Variants in SRRM4 observed in about 807,000 individuals in gnomAD.
The protein encoded by SRRM4 is serine/arginine repetitive matrix 4.
A neutral mutation model predicts 68.9 loss-of-function variants in SRRM4; 33 were observed. The ratio of observed to expected loss-of-function variants is 0.48; its 90% CI spans 0.36 to 0.64. SRRM4 has a LOEUF of 0.64. Ranked by LOEUF, SRRM4 falls within the 30% of genes least tolerant of loss-of-function variation. The pLI is 0.00. For synonymous variants in SRRM4, 318 were observed against 318.8 expected, an observed-to-expected ratio of 1.00 and a Z score of 0.03; for missense variants, 817 against 827.1, an observed-to-expected ratio of 0.99 and a Z score of 0.15.
chr12:119,153,728 C>T, intron 11 of SRRM4, 79 bp downstream of exon 11: 1 of 1,086,426 alleles, frequency 9.2e-7, no homozygotes, highest in East Asian at 2.6e-5. Context: ...GCCCCGCCTC[C>T]CCGTTCTCGG....
rs1444686981 is a variant in SRRM4, at chr12:119,156,544, G to A, written c.1582G>A (p.Gly528Ser). Residue 528 changes from glycine to serine, a missense_variant, in exon 13 of 13, where the codon GGC (glycine) becomes AGC (serine). Transcript: ENST00000267260. ...CTATCGGCCCAGCCCCTCCTCATCC[G>A]GCAGCCTCAGCAGCACCTCCTCCTG... ...PYYRPSPSSS[G>S]SLSSTSSWYS... 6.2e-6 allele frequency: 10 copies of A among 1,611,036 alleles called. No individual in the cohort carries two copies. In the Admixed American group the frequency reaches 1.0e-4, roughly 16 times the overall value.
intron 1 of SRRM4, among the ~76,000 whole-genome samples, chr12:119,092,475 G>T (rs1954019590): frequency 6.6e-6 from 1 of 151,956 alleles, no homozygotes; most frequent in Non-Finnish European, 1.5e-5. Context: ...AGTTGTTCCA[G>T]CTCAGTGATT....
Position 119,114,506 on chromosome 12 carries a change from T to C in SRRM4, c.365+142T>C, listed in dbSNP as rs1304367446. 15 of 627,060 alleles carry C rather than the reference T, an allele frequency of 2.4e-5. No homozygotes were observed. The Admixed American group carries it at 3.7e-4, about 16-fold the overall frequency. The allele number at this position is 627,060 out of a possible 1,614,324, so 38.8% of individuals were successfully genotyped here. On this transcript the variant is annotated intron_variant, in intron 3 of 12. Transcript: ENST00000267260. ...AGCTGTGTGACCTTGGGCAAGTCAC[T>C]TTACATCTCTGTTCCTGTTTTTATT...
intron 1 of SRRM4, among the ~76,000 whole-genome samples, chr12:119,057,189 AATTTTT>A (rs1376245875): frequency 6.6e-6 from 1 of 152,048 alleles, no homozygotes; most frequent in Non-Finnish European, 1.5e-5. Flanking sequence ...TTTTTTCTTC[AATTTTT>A]ATTTTAAGTT....
chr12:119,114,764 A>G (rs1338031892), intron 3 of SRRM4, among the ~76,000 whole-genome samples: 1 of 140,470 alleles, frequency 7.1e-6, no homozygotes, highest in Admixed American at 8.0e-5. Flanking sequence ...TCCCAGGTTC[A>G]CTCCATTCTC....
In SRRM4 at chr12:119,159,471, G is replaced by A. The variant is rs1371837191; in HGVS notation, c.*2673G>A. 1 of 152,236 alleles carries A rather than the reference G, an allele frequency of 6.6e-6. No individual in the cohort carries two copies. The highest frequency in any genetic ancestry group is 1.5e-5 in the Non-Finnish European group (1 of 68,058). The allele number at this position is 152,236 out of a possible 1,614,324, so 9.4% of individuals were successfully genotyped here. ...CTAACAGAGTGATGAGGCTTCAGTT[G>A]AGTACTTGCTGAAGTAGTTGCCTTG... On this transcript the variant is annotated 3_prime_UTR_variant, in exon 13 of 13. Coordinates refer to ENST00000267260, the MANE Select transcript of SRRM4 (RefSeq NM_194286.4).
intron 1 of SRRM4, among the ~76,000 whole-genome samples, chr12:119,060,961 T>TC (rs1295055937): frequency 6.6e-6 from 1 of 152,160 alleles, no homozygotes; most frequent in African/African-American, 2.4e-5. Flanking sequence ...CCACGTCCCT[T>TC]CCCCACCTCC....
Position 119,156,772 on chromosome 12 carries a change from G to A in SRRM4, c.1810G>A (p.Asp604Asn), listed in dbSNP as rs967193018. 2 of 1,542,626 alleles carry A rather than the reference G, an allele frequency of 1.3e-6. No homozygotes were observed. The highest frequency in any genetic ancestry group is 1.7e-6 in the Non-Finnish European group (2 of 1,145,246). The change falls in exon 13 of 13, where the codon GAC (aspartate) becomes AAC (asparagine). Residue 604 changes from aspartate to asparagine, a missense_variant. Asp to Asn is a conservative substitution (Grantham distance 23). Coordinates refer to ENST00000267260, the MANE Select transcript of SRRM4 (RefSeq NM_194286.4). The part of the protein sequence containing the change: ...RSQSRSYSSA[D>N]SYSSTRR The stretch of plus-strand genomic sequence containing the variant: ...CCAGAGCCGGAGCTACAGCTCAGCA[G>A]ACAGCTACTCCAGCACGAGGCGCTA...
At chr12:119,055,302 A>C (rs1373598243) in intron 1 of SRRM4, among the ~76,000 whole-genome samples, 1 of 152,140 alleles carries the variant, frequency 6.6e-6, no homozygotes, top group Non-Finnish European at 1.5e-5. Flanking sequence ...CAGTTGCTAC[A>C]TGGGGCCAGT....
In SRRM4 at chr12:119,102,281, C is replaced by T. The variant is rs779640585; in HGVS notation, c.177C>T (p.Pro59=). Residue 59 remains proline (P), a synonymous_variant, in exon 2 of 13, where the codon CCC becomes CCT. Transcript: ENST00000267260. ...CCGTTGTCCCAGCTCAGGATGGACC[C>T]TCAGAAAAGCTGGGTCAGCATCTGG... The part of the protein sequence containing the change: ...NNPVVPAQDG[P]SEKLGQHLAT... 2.5e-6 allele frequency: 4 copies of T among 1,613,806 alleles called. No homozygotes were observed. In the South Asian group the frequency reaches 3.3e-5, roughly 13 times the overall value.
In SRRM4 at chr12:119,120,402, C is replaced by T. The variant is rs150504959; in HGVS notation, c.464+126C>T. On this transcript the variant is annotated intron_variant, in intron 5 of 12. Coordinates refer to ENST00000267260, the MANE Select transcript of SRRM4 (RefSeq NM_194286.4). ...GCATGACCCCTTCATCTTCCTGGGCCTCAGTTTCCTCCAAAATGAAGGTCT... is the reference window on the plus strand; with the variant it reads ...GCATGACCCCTTCATCTTCCTGGGCTTCAGTTTCCTCCAAAATGAAGGTCT... The T allele has an allele frequency of 7.3e-4, 720 of 989,372 alleles. 4 individuals carry two copies. The African/African-American group carries it at 8.4e-3, about 12-fold the overall frequency. The allele number at this position is 989,372 out of a possible 1,614,324, so 61.3% of individuals were successfully genotyped here.
chr12:119,133,812 A>T (rs1050026843), intron 8 of SRRM4, among the ~76,000 whole-genome samples: 1 of 152,208 alleles, frequency 6.6e-6, no homozygotes. Flanking sequence ...ATTACTAAGA[A>T]AGAAATAGCC....
intron 2 of SRRM4, among the ~76,000 whole-genome samples, chr12:119,109,490 C>T (rs1954129074): frequency 1.3e-5 from 2 of 152,178 alleles, no homozygotes; most frequent in Admixed American, 6.5e-5. Context: ...CACATAGTCC[C>T]ATATTTCTTG....
chr12:119,086,629 G>A (rs143283335), intron 1 of SRRM4, among the ~76,000 whole-genome samples: 200 of 152,332 alleles, frequency 1.3e-3, no homozygotes, highest in African/African-American at 4.4e-3. Flanking sequence ...GCAGAAGGAT[G>A]CAGCAGGGCC....
At chr12:119,007,339 CAGG>C (rs1454209680) in intron 1 of SRRM4, among the ~76,000 whole-genome samples, 1 of 152,318 alleles carries the variant, frequency 6.6e-6, no homozygotes, top group Non-Finnish European at 1.5e-5. Context: ...TATTACTGCG[CAGG>C]AGAACAAACA....
intron 2 of SRRM4, among the ~76,000 whole-genome samples, chr12:119,108,284 A>G (rs1265007000): frequency 6.6e-6 from 1 of 152,240 alleles, no homozygotes; most frequent in Non-Finnish European, 1.5e-5. Context: ...AGAAGAATGT[A>G]TATTCTCCTG....
intron 8 of SRRM4, among the ~76,000 whole-genome samples, chr12:119,140,142 G>A (rs1461595796): frequency 2.0e-5 from 3 of 152,144 alleles, no homozygotes; most frequent in Non-Finnish European, 4.4e-5. Context: ...GGGAGGCTGA[G>A]GCGGAACAGA....
intron 10 of SRRM4, among the ~76,000 whole-genome samples, chr12:119,152,379 G>A (rs979039912): frequency 1.3e-5 from 2 of 152,180 alleles, no homozygotes; most frequent in African/African-American, 4.8e-5. Flanking sequence ...TAAGTCAGGA[G>A]ACAGTCCCAA....
At chr12:118,999,388 G>T (rs1244248882) in intron 1 of SRRM4, among the ~76,000 whole-genome samples, 1 of 152,284 alleles carries the variant, frequency 6.6e-6, no homozygotes, top group Non-Finnish European at 1.5e-5. Flanking sequence ...GGAGGGGAAG[G>T]CAGCAGGGAG....
Sources: allele counts gnomAD v4.1 joint callset (sites outside exome capture counted in the v4.1 genomes callset), GRCh38; gene constraint gnomAD v4.1.1; transcripts MANE v1.5; gene names NCBI Gene and HGNC (gene_info 2026-07-23, HGNC 2026-07-21).